The following ENTPD1 variants were observed in gnomAD, a reference collection of about 807,000 sequenced individuals.
ENTPD1 encodes ectonucleoside triphosphate diphosphohydrolase 1.
ENTPD1 carries 33 observed loss-of-function variants against 57.0 expected under a neutral mutation model. That is an observed-to-expected ratio of 0.58 (90% CI 0.44 to 0.77). The LOEUF is 0.77. Ranked by LOEUF, ENTPD1 falls within the 30% of genes least tolerant of loss-of-function variation. ENTPD1 has a pLI of 0.00. For missense variants in ENTPD1, 501 were observed against 603.4 expected, an observed-to-expected ratio of 0.83 and a Z score of 1.78; for synonymous variants, 202 against 218.8, an observed-to-expected ratio of 0.92 and a Z score of 0.68.
chr10:95,770,317 T>C (rs550989773), intron 1 of ENTPD1, among the ~76,000 whole-genome samples: 8 of 150,306 alleles, frequency 5.3e-5, no homozygotes, highest in Non-Finnish European at 1.0e-4. Flanking sequence ...ACTAGGTAGG[T>C]GAGTATGGTG....
At chr10:95,804,002 C>A (rs1215102280) in intron 1 of ENTPD1, among the ~76,000 whole-genome samples, 3 of 152,158 alleles carry the variant, frequency 2.0e-5, no homozygotes, top group Non-Finnish European at 4.4e-5. Context: ...TGTCAAAGAT[C>A]AGGTGATTGT....
At chr10:95,804,676 C>A (rs1244669126) in intron 1 of ENTPD1, among the ~76,000 whole-genome samples, 1 of 151,876 alleles carries the variant, frequency 6.6e-6, no homozygotes, top group African/African-American at 2.4e-5. Context: ...ATACTTCTTT[C>A]TCTGGCCTGA....
At chr10:95,694,270 C>G in the ENTPD1 span, 1 of 285,200 alleles carries the variant, frequency 3.5e-6, no homozygotes, top group Non-Finnish European at 6.7e-6. Flanking sequence ...CAAGGAAACC[C>G]CAGAGGCCGG....
intron 1 of ENTPD1, among the ~76,000 whole-genome samples, chr10:95,747,221 CATA>C (rs1185574149): frequency 6.6e-6 from 1 of 152,094 alleles, no homozygotes; most frequent in African/African-American, 2.4e-5. Context: ...CCATGAGCAT[CATA>C]ATATTTTGAT....
chr10:95,694,947 C>A, the ENTPD1 span, among the ~76,000 whole-genome samples: 1 of 134,598 alleles, frequency 7.4e-6, no homozygotes, highest in African/African-American at 2.8e-5. Context: ...GTCGCTCAGG[C>A]TGGAGTGCAG....
chr10:95,786,870 A>G (rs35748815), intron 1 of ENTPD1, among the ~76,000 whole-genome samples: 3,418 of 152,290 alleles, frequency 0.022, 44 homozygotes, highest in Middle Eastern at 0.048. Flanking sequence ...AACCATCACA[A>G]TCATCATTAT....
chr10:95,719,476 C>G (rs999552013), intron 1 of ENTPD1, among the ~76,000 whole-genome samples: 1 of 152,172 alleles, frequency 6.6e-6, no homozygotes, highest in Non-Finnish European at 1.5e-5. Context: ...GCCAAGGAAC[C>G]CTCGTAGTTG....
At chr10:95,863,508 G>C (rs1183474291) in intron 8 of ENTPD1, among the ~76,000 whole-genome samples, 1 of 152,192 alleles carries the variant, frequency 6.6e-6, no homozygotes, top group Non-Finnish European at 1.5e-5. Context: ...CACATGCAGA[G>C]GAATCAATCA....
In ENTPD1 at chr10:95,858,254, A is replaced by G. The variant is rs186014959; in HGVS notation, c.1075-2215A>G. Reference sequence around the variant, plus strand: ...AGACCCCTCTAAGGAGGGGAAGTGGAAGTCCAGGGAATTCCAGCAGAGGGA... The same window carrying G: ...AGACCCCTCTAAGGAGGGGAAGTGGGAGTCCAGGGAATTCCAGCAGAGGGA... On this transcript the variant is annotated intron_variant, in intron 7 of 9. Coordinates refer to ENST00000371205, the MANE Select transcript of ENTPD1 (RefSeq NM_001776.6). Among the ~76,000 whole-genome samples the G allele has an allele frequency of 7.2e-5, 11 of 152,018 alleles. No individual in the cohort carries two copies. In the East Asian group the frequency reaches 2.1e-3, roughly 29 times the overall value.
At chr10:95,809,370 G>GGCC (rs2098287903) in intron 1 of ENTPD1, among the ~76,000 whole-genome samples, 1 of 146,382 alleles carries the variant, frequency 6.8e-6, no homozygotes, top group Non-Finnish European at 1.5e-5. Flanking sequence ...AAGACGGGGC[G>GGCC]GCCGGGCAGA....
At chr10:95,716,651 C>T (rs945494421) in intron 1 of ENTPD1, among the ~76,000 whole-genome samples, 2 of 152,180 alleles carry the variant, frequency 1.3e-5, no homozygotes, top group African/African-American at 4.8e-5. Flanking sequence ...GTCATGTGTG[C>T]TCCTGCCATG....
At chr10:95,844,986 A>AC (rs2098431499) in intron 5 of ENTPD1, 2 of 465,820 alleles carry the variant, frequency 4.3e-6, no homozygotes, top group Non-Finnish European at 7.8e-6. Flanking sequence ...TATCCTTAGA[A>AC]CAACACTATG....
Position 95,860,005 on chromosome 10 carries a change from A to G in ENTPD1, c.1075-464A>G, listed in dbSNP as rs2098462613. The stretch of plus-strand genomic sequence containing the variant: ...TTTGTTGAATAAAGATGGATTTTTT[A>G]AAGGAAAGCAGTACATATTCATTAT... On this transcript the variant is annotated intron_variant, in intron 7 of 9. Coordinates refer to ENST00000371205, the MANE Select transcript of ENTPD1 (RefSeq NM_001776.6). 5.9e-5 allele frequency among the ~76,000 whole-genome samples: 9 copies of G among 152,336 alleles called. No homozygotes were observed. In the South Asian group the frequency reaches 1.7e-3, roughly 28 times the overall value.
At chr10:95,817,665 T>C (rs1321257203) in intron 1 of ENTPD1, among the ~76,000 whole-genome samples, 1 of 152,348 alleles carries the variant, frequency 6.6e-6, no homozygotes, top group Admixed American at 6.5e-5. Context: ...CTCAGAGGTA[T>C]GCAGGCTTTC....
chr10:95,819,636 G>C (rs1209374491), intron 1 of ENTPD1, among the ~76,000 whole-genome samples: 1 of 152,092 alleles, frequency 6.6e-6, no homozygotes, highest in East Asian at 1.9e-4. Context: ...TTTTTTCAAA[G>C]CTTGGGTTTC....
chr10:95,877,075 A>G lies in ENTPD1; in HGVS notation c.*10692A>G, dbSNP rs2098486443. The stretch of plus-strand genomic sequence containing the variant: ...AGAACCACAGCAGCTCTATTTGCCT[A>G]TTCCTCTTTAAATTACAAAGTTAAA... On this transcript the variant is annotated 3_prime_UTR_variant, in exon 10 of 10. Transcript: ENST00000371205. Among the ~76,000 whole-genome samples the G allele has an allele frequency of 6.6e-6, 1 of 152,218 alleles. No homozygotes were observed. The highest frequency in any genetic ancestry group is 1.5e-5 in the Non-Finnish European group (1 of 68,040).
intron 1 of ENTPD1, among the ~76,000 whole-genome samples, chr10:95,780,069 ATGC>A (rs1398912650): frequency 1.3e-5 from 2 of 152,236 alleles, no homozygotes; most frequent in African/African-American, 2.4e-5. Flanking sequence ...ATTGTATTTT[ATGC>A]CAATTATAGC....
intron 1 of ENTPD1, among the ~76,000 whole-genome samples, chr10:95,713,217 G>A (rs2097967857): frequency 6.6e-6 from 1 of 152,132 alleles, no homozygotes; most frequent in South Asian, 2.1e-4. Flanking sequence ...TTTTCATGAA[G>A]AGGCTTATTG....
rs1566229309 is a variant in ENTPD1 at position 95,845,411 on chromosome 10, G to A, written c.628G>A (p.Gly210Arg). ...PYETNNQETF[G>R]ALDLGGASTQ... ...TGAAACCAATAATCAGGAAACCTTT[G>A]GAGCTTTGGACCTTGGGGGAGCCTC... Residue 210 changes from glycine (G) to arginine (R), a missense_variant, in exon 6 of 10, where the codon GGA becomes AGA. Transcript: ENST00000371205. The A allele has an allele frequency of 1.2e-6, 2 of 1,614,144 alleles. No homozygotes were observed. Among genetic ancestry groups the A allele is most frequent in the South Asian group, 2.2e-5 (2 of 91,082 alleles).
Sources: allele counts gnomAD v4.1 joint callset (sites outside exome capture counted in the v4.1 genomes callset), GRCh38; gene constraint gnomAD v4.1.1; transcripts MANE v1.5; gene names NCBI Gene and HGNC (gene_info 2026-07-23, HGNC 2026-07-21).